KLHL4: variants seen among roughly 807,000 people sequenced by gnomAD.
KLHL4 encodes kelch like family member 4, also known as kelch-like protein 4.
Under a neutral mutation model 45.8 loss-of-function variants are expected in KLHL4, and 17 were observed. That is an observed-to-expected ratio of 0.37 (90% confidence interval 0.25 to 0.56). The LOEUF is 0.56. Among genes scored for constraint, KLHL4 ranks in the 20% least tolerant of loss-of-function variants. KLHL4 has a pLI of 0.79. For missense variants in KLHL4, 544 were observed against 544.9 expected (o/e 1.00, Z 0.02); for synonymous variants, 224 against 189.9 (o/e 1.18, Z -1.47).
At chrX:87,618,160 T>G in intron 4 of KLHL4, 32 bp downstream of exon 4, 1 of 1,038,729 alleles carries the variant, frequency 9.6e-7, no homozygotes. Flanking sequence ...GAACTTGTAG[T>G]AAAAATATGT....
rs147557410 is a variant in KLHL4, at chrX:87,546,575, T to C, written c.422+28260T>C. On this transcript the variant is annotated intron_variant, in intron 1 of 10. Coordinates refer to ENST00000373119, the MANE Select transcript of KLHL4 (RefSeq NM_019117.5). ...TTGGAGCCCTCACACAGAGTCCCCA[T>C]TGGGGCACTGGATAGTGGATCTGTG... 3.9e-3 allele frequency among the ~76,000 whole-genome samples: 443 copies of C among 112,180 alleles called. 6 individuals carry two copies. The South Asian group carries it at 0.052, about 13-fold the overall frequency.
intron 1 of KLHL4, among the ~76,000 whole-genome samples, chrX:87,602,433 G>T (rs1021558022): frequency 7.2e-5 from 8 of 110,763 alleles, no homozygotes; most frequent in Admixed American, 1.9e-4. Context: ...TCCAATATTG[G>T]TATACCATTT....
Position 87,668,631 on chromosome X carries a change from C to A in KLHL4, c.*2097C>A. The A allele has an allele frequency of 5.6e-6, 1 of 179,955 alleles. No individual in the cohort carries two copies. Among genetic ancestry groups the A allele is most frequent in the Non-Finnish European group, 8.7e-6 (1 of 114,827 alleles). The allele number at this position is 179,955 out of a possible 1,213,427, so 14.8% of individuals were successfully genotyped here. On this transcript the variant is annotated 3_prime_UTR_variant, in exon 11 of 11. Transcript: ENST00000373119. Reference sequence around the variant, plus strand: ...ATTGGGCCATGAGGTCTGTGCCCTCCTGAATGGATTAATCCATTCATGGAT... The same window carrying A: ...ATTGGGCCATGAGGTCTGTGCCCTCATGAATGGATTAATCCATTCATGGAT...
At chrX:87,623,288 CTTTTTTTTT>C (rs67869297) in intron 5 of KLHL4, among the ~76,000 whole-genome samples, 1 of 50,202 alleles carries the variant, frequency 2.0e-5, no homozygotes, top group East Asian at 7.5e-4. Flanking sequence ...TTCCTTTTTT[CTTTTTTTTT>C]TTTTTTTTTT....
rs182982939 is a variant in KLHL4 at position 87,597,704 on chromosome X, T to C, written c.423-16173T>C. 2.6e-3 allele frequency among the ~76,000 whole-genome samples: 288 copies of C among 111,839 alleles called. 1 individual carries two copies. Among genetic ancestry groups the C allele is most frequent in the African/African-American group, 9.1e-3 (281 of 30,919 alleles). On this transcript the variant is annotated intron_variant, in intron 1 of 10. Transcript: ENST00000373119. ...TAAGGGCTATACTAGGTGGTAAACA[T>C]TGTTTCTTGGGAATCCAACTTTAAG...
At chrX:87,527,185 G>A (rs1931129061) in intron 1 of KLHL4, among the ~76,000 whole-genome samples, 2 of 111,949 alleles carry the variant, frequency 1.8e-5, no homozygotes, top group Admixed American at 1.9e-4. Context: ...TACACTAATT[G>A]TCATCTTGAC....
At chrX:87,647,783 C>G (rs1403896597) in intron 9 of KLHL4, among the ~76,000 whole-genome samples, 1 of 110,889 alleles carries the variant, frequency 9.0e-6, no homozygotes, top group Non-Finnish European at 1.9e-5. Context: ...ATGGGTGCAC[C>G]AAAATCTCAG....
intron 4 of KLHL4, among the ~76,000 whole-genome samples, chrX:87,619,445 T>A (rs1922675121): frequency 8.9e-6 from 1 of 111,945 alleles, no homozygotes; most frequent in African/African-American, 3.2e-5. Flanking sequence ...AGAATCATAT[T>A]ATAATGGATT....
chrX:87,606,434 AAG>A (rs1922199541), intron 1 of KLHL4, among the ~76,000 whole-genome samples: 1 of 111,571 alleles, frequency 9.0e-6, no homozygotes, highest in African/African-American at 3.3e-5. Flanking sequence ...CAATGAAATT[AAG>A]AATTGGTTAT....
chrX:87,547,057 G>C (rs1330773375), intron 1 of KLHL4, among the ~76,000 whole-genome samples: 2 of 111,731 alleles, frequency 1.8e-5, no homozygotes, highest in Admixed American at 9.5e-5. Flanking sequence ...TGTTAACGCT[G>C]GAAAGAGTTA....
intron 9 of KLHL4, among the ~76,000 whole-genome samples, chrX:87,641,698 G>A (rs1923464630): frequency 9.0e-6 from 1 of 111,207 alleles, no homozygotes; most frequent in African/African-American, 3.3e-5. Flanking sequence ...GGCTGTTGGG[G>A]AGAAGCATAG....
Position 87,667,698 on chromosome X carries a change from T to A in KLHL4, c.*1164T>A. 4.7e-6 allele frequency: 3 copies of A among 635,827 alleles called. No individual in the cohort carries two copies. Among genetic ancestry groups the A allele is most frequent in the Non-Finnish European group, 5.6e-6 (3 of 531,583 alleles). The allele number at this position is 635,827 out of a possible 1,213,427, so 52.4% of individuals were successfully genotyped here. A position where few individuals can be genotyped will look rare whatever the true frequency, so the allele number is the denominator to read the frequency against. On this transcript the variant is annotated 3_prime_UTR_variant, in exon 11 of 11. Coordinates refer to ENST00000373119, the MANE Select transcript of KLHL4 (RefSeq NM_019117.5). ...ATTCTGTTTAATTATACAACTAAGA[T>A]GAAATATTGAAAAACCCTTTGTGAA...
chrX:87,573,436 A>G (rs1602423726), intron 1 of KLHL4, among the ~76,000 whole-genome samples: 1 of 78,635 alleles, frequency 1.3e-5, no homozygotes, highest in African/African-American at 4.6e-5. Flanking sequence ...TATACAAATA[A>G]ACAAATAAGT....
chrX:87,621,237 A>G (rs1172289796), intron 4 of KLHL4, among the ~76,000 whole-genome samples: 1 of 111,783 alleles, frequency 8.9e-6, no homozygotes, highest in Non-Finnish European at 1.9e-5. Flanking sequence ...TATGCAACAT[A>G]AATTGCCAAG....
At chrX:87,638,149 A>G (rs1923330089) in intron 9 of KLHL4, among the ~76,000 whole-genome samples, 1 of 111,232 alleles carries the variant, frequency 9.0e-6, no homozygotes, top group South Asian at 3.7e-4. Flanking sequence ...AGATAAAGAA[A>G]AAAATTATTT....
intron 1 of KLHL4, among the ~76,000 whole-genome samples, chrX:87,607,393 T>G (rs1602440907): frequency 9.0e-6 from 1 of 111,492 alleles, no homozygotes; most frequent in East Asian, 2.8e-4. Flanking sequence ...TTCAAAATTA[T>G]TTTAGCCCTA....
At chrX:87,662,497 C>A (rs1184486174) in intron 9 of KLHL4, among the ~76,000 whole-genome samples, 2 of 111,702 alleles carry the variant, frequency 1.8e-5, no homozygotes, top group African/African-American at 6.5e-5. Context: ...GTCAGTATTT[C>A]TACATTGTGG....
intron 1 of KLHL4, among the ~76,000 whole-genome samples, chrX:87,526,069 A>C (rs1181530814): frequency 2.7e-5 from 3 of 111,921 alleles, no homozygotes; most frequent in African/African-American, 9.7e-5. Context: ...GCTATCTATT[A>C]CATTTCTTGT....
chrX:87,648,840 T>A (rs1240679510), intron 9 of KLHL4, among the ~76,000 whole-genome samples: 1 of 111,084 alleles, frequency 9.0e-6, no homozygotes, highest in Non-Finnish European at 1.9e-5. Flanking sequence ...AACTTATTTT[T>A]TTAAGATTAT....
Sources: gnomAD v4.1 joint callset for allele counts (sites outside exome capture counted in the v4.1 genomes callset) on GRCh38, gnomAD v4.1.1 for gene constraint, MANE v1.5 for transcripts, NCBI Gene and HGNC (gene_info 2026-07-23, HGNC 2026-07-21) for gene names.